The following ZNF276 variants were observed in gnomAD, a reference collection of about 807,000 sequenced individuals.
ZNF276 encodes the protein centromere protein Z.
Under a neutral mutation model 63.9 loss-of-function variants are expected in ZNF276, and 59 were observed. The observed-to-expected ratio is 0.92, with a 90% CI of 0.75 to 1.15. The LOEUF is 1.15. Among genes scored for constraint, ZNF276 ranks in the 50% most tolerant of loss-of-function variants. The pLI is 0.00. For missense variants in ZNF276, 1,084 were observed against 843.8 expected, an observed-to-expected ratio of 1.28 and a Z score of -3.53; for synonymous variants, 496 against 348.4, an observed-to-expected ratio of 1.42 and a Z score of -4.72.
At chr16:89,724,291 G>T (rs1043362921) in intron 4 of ZNF276, among the ~76,000 whole-genome samples, 18 of 152,180 alleles carry the variant, frequency 1.2e-4, no homozygotes, top group Admixed American at 5.9e-4. Flanking sequence ...TTTCCCTCCG[G>T]CCTCTTGTCC....
intron 6 of ZNF276, chr16:89,732,988 C>A: frequency 3.8e-6 from 1 of 260,778 alleles, no homozygotes; most frequent in Non-Finnish European, 7.9e-6. Flanking sequence ...TTCGCCCTGA[C>A]CCTGCTGTAC....
chr16:89,734,055 T>C lies in ZNF276; in HGVS notation c.1474+17T>C, dbSNP rs199881647. 62 of 1,610,850 alleles carry C rather than the reference T, an allele frequency of 3.8e-5. No individual in the cohort carries two copies. The African/African-American group carries it at 6.9e-4, about 18-fold the overall frequency. On this transcript the variant is annotated intron_variant, in intron 9 of 10. Coordinates refer to ENST00000443381, the MANE Select transcript of ZNF276 (RefSeq NM_001113525.2). Reference sequence around the variant, plus strand: ...TCCACACAGGTACGCCTATCGCCAGTGTCGCCCACGCGGGTGACAGCCAGG... The same window carrying C: ...TCCACACAGGTACGCCTATCGCCAGCGTCGCCCACGCGGGTGACAGCCAGG...
chr16:89,736,863 C>CTGT (rs1200090930), intron 9 of ZNF276, among the ~76,000 whole-genome samples: 2 of 148,772 alleles, frequency 1.3e-5, no homozygotes, highest in African/African-American at 5.0e-5. Context: ...TGAGATTGGG[C>CTGT]TGTTGCACTC....
At position 89,722,540 on chromosome 16, in the gene ZNF276, G is replaced by T; in HGVS notation, c.215G>T (p.Arg72Leu). 1 of 1,611,202 alleles carries T rather than the reference G, an allele frequency of 6.2e-7. No individual in the cohort carries two copies. Among genetic ancestry groups the T allele is most frequent in the African/African-American group, 1.3e-5 (1 of 75,036 alleles). ...CTGCCGCTCTGTGCAGGAGCAGGCC[G>T]GGCTCTCGCCATGGGTCACTGTCGC... ...EDGADEAGAG[R>L]ALAMGHCRLC... The change falls in exon 2 of 11, where the codon CGG becomes CTG. Residue 72 changes from arginine (R) to leucine (L), a missense_variant. Arg to Leu is a moderately radical substitution (Grantham distance 102). Coordinates refer to ENST00000443381, the MANE Select transcript of ZNF276 (RefSeq NM_001113525.2).
At position 89,735,483 on chromosome 16, in the gene ZNF276, C is replaced by T. The variant is rs934102347; in HGVS notation, c.1474+1445C>T. On this transcript the variant is annotated intron_variant, in intron 9 of 10. Coordinates refer to ENST00000443381, the MANE Select transcript of ZNF276 (RefSeq NM_001113525.2). ...GCGGGTTGTTATTTTTTGGGTTCTCCGACATCTCTCCTGATGGCAGCACTT... is the reference window on the plus strand; with the variant it reads ...GCGGGTTGTTATTTTTTGGGTTCTCTGACATCTCTCCTGATGGCAGCACTT... Among the ~76,000 whole-genome samples the T allele has an allele frequency of 8.8e-5, 13 of 148,570 alleles. 1 individual carries two copies. Among genetic ancestry groups the T allele is most frequent in the South Asian group, 4.3e-4 (2 of 4,644 alleles).
chr16:89,733,830 C>T (rs533813209), intron 8 of ZNF276, 91 bp from the exon 9 acceptor site: 8 of 1,239,612 alleles, frequency 6.5e-6, no homozygotes, highest in African/African-American at 4.4e-5. Context: ...TTGGATCTGC[C>T]TTCCAGGGGC....
At chr16:89,728,284 G>A (rs1209785200) in intron 5 of ZNF276, among the ~76,000 whole-genome samples, 1 of 151,042 alleles carries the variant, frequency 6.6e-6, no homozygotes. Flanking sequence ...GAGTGCAGTG[G>A]TGTGACCTCA....
At position 89,738,712 on chromosome 16, in the gene ZNF276, T is replaced by C. The variant is rs2062032155; in HGVS notation, c.*466T>C. On this transcript the variant is annotated 3_prime_UTR_variant, in exon 11 of 11. Transcript: ENST00000443381. ...AGTCCCCACGATCAGCCAGCAGCTGTGAGAGAGGAGCAGGTCCTCAGCCCA... is the reference window on the plus strand; with the variant it reads ...AGTCCCCACGATCAGCCAGCAGCTGCGAGAGAGGAGCAGGTCCTCAGCCCA... 1 of 1,613,676 alleles carries C rather than the reference T, an allele frequency of 6.2e-7. No individual in the cohort carries two copies. Among genetic ancestry groups the C allele is most frequent in the African/African-American group, 1.3e-5 (1 of 74,918 alleles).
At chr16:89,726,764 G>A (rs1208051560) in intron 4 of ZNF276, among the ~76,000 whole-genome samples, 3 of 152,080 alleles carry the variant, frequency 2.0e-5, no homozygotes, top group African/African-American at 7.3e-5. Flanking sequence ...TTCTGCCTCA[G>A]CCTCCCAGGT....
intron 2 of ZNF276, 60 bp downstream of exon 2, chr16:89,722,894 TGA>T: frequency 6.4e-7 from 1 of 1,570,056 alleles, no homozygotes; most frequent in Non-Finnish European, 8.6e-7. Context: ...TGACGGGTGT[TGA>T]GAGAGGGACA....
upstream of ZNF276, chr16:89,720,620 G>A: frequency 8.2e-7 from 1 of 1,217,914 alleles, no homozygotes; most frequent in Non-Finnish European, 1.0e-6. Context: ...CCCCGTCCTC[G>A]CCCGGGAACC....
rs765026468 is a variant in ZNF276 at position 89,733,383 on chromosome 16, C to T, written c.1251C>T (p.Pro417=). The change falls in exon 7 of 11, where the codon CCC becomes CCT. Residue 417 remains proline (P), a synonymous_variant. Transcript: ENST00000443381. ...TTCGGAAGAAGCCGGGACCCAAGCC[C>T]GGATGGAAGAAGAAGCTTCGTTGTG... ...PRIRKKPGPK[P]GWKKKLRCER... The T allele has an allele frequency of 3.3e-5, 53 of 1,614,114 alleles. No individual in the cohort carries two copies. The East Asian group carries it at 4.7e-4, about 14-fold the overall frequency.
At chr16:89,735,585 A>C (rs1488407273) in intron 9 of ZNF276, among the ~76,000 whole-genome samples, 1 of 151,984 alleles carries the variant, frequency 6.6e-6, no homozygotes, top group Non-Finnish European at 1.5e-5. Context: ...AAAAACCTGA[A>C]ATTGGGCCGG....
upstream of ZNF276, chr16:89,720,483 C>T (rs2061227684): frequency 9.0e-7 from 1 of 1,112,266 alleles, no homozygotes; most frequent in African/African-American, 1.6e-5. Flanking sequence ...CTGGCGGACC[C>T]TCCTGCTACA....
chr16:89,723,886 G>C (rs553593611), intron 4 of ZNF276, among the ~76,000 whole-genome samples, 177 bp downstream of exon 4: 2 of 152,248 alleles, frequency 1.3e-5, no homozygotes, highest in African/African-American at 4.8e-5. Context: ...GAGCAGGGAG[G>C]GGCGGCCAGC....
intron 9 of ZNF276, among the ~76,000 whole-genome samples, chr16:89,737,092 G>T (rs1212783012): frequency 6.6e-6 from 1 of 152,112 alleles, no homozygotes; most frequent in Non-Finnish European, 1.5e-5. Context: ...GTGTGAGAAA[G>T]ATTTCCAGAG....
chr16:89,739,247 C>G lies in ZNF276; in HGVS notation c.*1001C>G, dbSNP rs1477796994. ...TGTCCACAGCAACATGCAGGAAGGC[C>G]TCTTCCCTGATGGCCGCGTCTTCAT... On this transcript the variant is annotated 3_prime_UTR_variant, in exon 11 of 11. Coordinates refer to ENST00000443381, the MANE Select transcript of ZNF276 (RefSeq NM_001113525.2). The G allele has an allele frequency of 7.4e-6, 12 of 1,614,068 alleles. No individual in the cohort carries two copies. The highest frequency in any genetic ancestry group is 1.0e-5 in the Non-Finnish European group (12 of 1,180,058).
intron 4 of ZNF276, among the ~76,000 whole-genome samples, chr16:89,725,937 A>G (rs528133589): frequency 6.6e-6 from 1 of 152,310 alleles, no homozygotes; most frequent in East Asian, 1.9e-4. Context: ...ATGAACCTTC[A>G]GGCCTGGCCG....
intron 9 of ZNF276, among the ~76,000 whole-genome samples, chr16:89,734,990 C>G (rs1409737014): frequency 6.6e-6 from 1 of 152,096 alleles, no homozygotes; most frequent in Non-Finnish European, 1.5e-5. Flanking sequence ...AAAACCTGGT[C>G]TCTACTAAAA....
Sources: allele counts gnomAD v4.1 joint callset (sites outside exome capture counted in the v4.1 genomes callset), GRCh38; gene constraint gnomAD v4.1.1; transcripts MANE v1.5; gene names NCBI Gene and HGNC (gene_info 2026-07-23, HGNC 2026-07-21).